The following MYO5A variants were observed in gnomAD, a reference collection of about 807,000 sequenced individuals.
MYO5A encodes myosin VA.
Under a neutral mutation model 249.7 loss-of-function variants are expected in MYO5A, and 98 were observed. The ratio of observed to expected loss-of-function variants is 0.39; its 90% CI spans 0.33 to 0.46. The LOEUF is 0.46. Ranked by LOEUF, MYO5A falls within the 20% of genes least tolerant of loss-of-function variation. MYO5A has a pLI of 0.98. For synonymous variants in MYO5A, 778 were observed against 810.6 expected (o/e 0.96, Z 0.68); for missense variants, 1,696 against 2,308.8 (o/e 0.73, Z 5.44).
At chr15:52,398,854 T>G (rs1406523439) in intron 9 of MYO5A, among the ~76,000 whole-genome samples, 1 of 152,164 alleles carries the variant, frequency 6.6e-6, no homozygotes, top group African/African-American at 2.4e-5. Context: ...CTGCTTGTAG[T>G]GGCAGACACC....
chr15:52,322,417 G>C (rs528276878), intron 37 of MYO5A, among the ~76,000 whole-genome samples: 1 of 152,360 alleles, frequency 6.6e-6, no homozygotes, highest in Admixed American at 6.5e-5. Context: ...CAGTTGGCTA[G>C]GGTCATGGGC....
intron 2 of MYO5A, among the ~76,000 whole-genome samples, chr15:52,429,454 C>T (rs1044687398): frequency 1.3e-5 from 2 of 151,934 alleles, no homozygotes. Flanking sequence ...TTTGGGAGGC[C>T]GAGGTGGGTG....
At chr15:52,349,842 C>G (rs1350574796) in intron 28 of MYO5A, among the ~76,000 whole-genome samples, 1 of 152,240 alleles carries the variant, frequency 6.6e-6, no homozygotes, top group Non-Finnish European at 1.5e-5. Context: ...CCAACTGTGA[C>G]AGCCCTGGGG....
At chr15:52,335,291 A>G (rs1360025511) in intron 34 of MYO5A, among the ~76,000 whole-genome samples, 2 of 152,058 alleles carry the variant, frequency 1.3e-5, no homozygotes. Context: ...GCTGAGGCAG[A>G]TGGATCACGA....
intron 30 of MYO5A, among the ~76,000 whole-genome samples, chr15:52,345,725 C>A (rs1046165707): frequency 6.6e-5 from 10 of 152,172 alleles, no homozygotes; most frequent in Non-Finnish European, 1.5e-4. Context: ...TGAGGGCTGA[C>A]TGCACCTTTC....
At chr15:52,416,451 A>G (rs2043491789) in intron 4 of MYO5A, 150 bp from the exon 5 acceptor site, 4 of 730,560 alleles carry the variant, frequency 5.5e-6, no homozygotes, top group East Asian at 2.7e-5. Flanking sequence ...CTCAGGTTCA[A>G]TCCCTATACT....
chr15:52,528,931 G>A (rs934740824), upstream of MYO5A: 17 of 810,022 alleles, frequency 2.1e-5, no homozygotes, highest in South Asian at 3.9e-4. Flanking sequence ...AGGGCCGGGC[G>A]GGGAGGGCCG....
At chr15:52,476,033 T>A (rs1043708792) in intron 1 of MYO5A, among the ~76,000 whole-genome samples, 6 of 152,182 alleles carry the variant, frequency 3.9e-5, no homozygotes, top group Non-Finnish European at 8.8e-5. Context: ...CTAAGTCTCT[T>A]TGTAGGTCTC....
rs1361748445 is a variant in MYO5A at position 52,370,149 on chromosome 15, G to T, written c.3066+20C>A. 1.2e-6 allele frequency: 2 copies of T among 1,613,682 alleles called. No homozygotes were observed. Among genetic ancestry groups the T allele is most frequent in the East Asian group, 2.2e-5 (1 of 44,880 alleles). ...CTCTTTTGTGTACGGAGTAGATGGG[G>T]ATATGGACATTATTCCTACCTGCTC... is the stretch of plus-strand genomic sequence containing the variant. On this transcript the variant is annotated intron_variant, in intron 22 of 41. Coordinates refer to ENST00000399233, the MANE Select transcript of MYO5A (RefSeq NM_001382347.1).
intron 1 of MYO5A, among the ~76,000 whole-genome samples, chr15:52,475,638 GT>G (rs2076575991): frequency 6.6e-6 from 1 of 152,144 alleles, no homozygotes; most frequent in African/African-American, 2.4e-5. Flanking sequence ...CATTCATTTT[GT>G]TATGTACTCA....
chr15:52,523,545 G>A (rs1303498878), intron 1 of MYO5A, among the ~76,000 whole-genome samples: 1 of 152,154 alleles, frequency 6.6e-6, no homozygotes, highest in African/African-American at 2.4e-5. Flanking sequence ...CGTGGGAGTG[G>A]TAAACATATA....
At chr15:52,512,148 G>A (rs2077404004) in intron 1 of MYO5A, among the ~76,000 whole-genome samples, 1 of 140,546 alleles carries the variant, frequency 7.1e-6, no homozygotes, top group Admixed American at 7.3e-5. Flanking sequence ...AGGCGACAGA[G>A]CAAGACTGTC....
intron 3 of MYO5A, among the ~76,000 whole-genome samples, chr15:52,426,295 T>A (rs1337315722): frequency 6.7e-6 from 1 of 149,858 alleles, no homozygotes; most frequent in Non-Finnish European, 1.5e-5. Context: ...CCAAATGAAA[T>A]AATCAGAAAT....
At position 52,379,735 on chromosome 15, in the gene MYO5A, T is replaced by TA. The variant is rs749094147; in HGVS notation, c.2100-3dup. ...CTGAAAAATTCTTGGTAAGTCCACC[T>TA]ATTAAAAGAAAACCATCTGAGTTTA... On this transcript the variant is annotated splice_polypyrimidine_tract_variant and splice_region_variant and intron_variant, in intron 17 of 41. Coordinates refer to ENST00000399233, the MANE Select transcript of MYO5A (RefSeq NM_001382347.1). The TA allele has an allele frequency of 1.2e-6, 2 of 1,614,132 alleles. No individual in the cohort carries two copies. The highest frequency in any genetic ancestry group is 2.2e-5 in the South Asian group (2 of 91,078).
chr15:52,405,465 T>G, intron 8 of MYO5A, 72 bp from the exon 9 acceptor site: 2 of 1,152,604 alleles, frequency 1.7e-6, no homozygotes, highest in Non-Finnish European at 2.6e-6. Flanking sequence ...CAGACAATTT[T>G]AAGCCTATTG....
intron 1 of MYO5A, among the ~76,000 whole-genome samples, chr15:52,526,467 T>G (rs1475438391): frequency 1.3e-5 from 2 of 152,160 alleles, no homozygotes; most frequent in Non-Finnish European, 2.9e-5. Context: ...GTTCAAGTGA[T>G]TCTCCTGCCT....
chr15:52,478,646 C>T (rs187014694), intron 1 of MYO5A, among the ~76,000 whole-genome samples: 159 of 152,308 alleles, frequency 1.0e-3, no homozygotes, highest in African/African-American at 3.8e-3. Context: ...GCTTAAGATC[C>T]TTCATCTGCC....
intron 39 of MYO5A, 58 bp downstream of exon 39, chr15:52,319,002 C>G: frequency 6.3e-7 from 1 of 1,596,418 alleles, no homozygotes; most frequent in Non-Finnish European, 8.5e-7. Flanking sequence ...TCTCCACAAC[C>G]CTGGCAGGCC....
chr15:52,399,658 T>C (rs1245587448), intron 9 of MYO5A, among the ~76,000 whole-genome samples: 2 of 152,162 alleles, frequency 1.3e-5, no homozygotes, highest in Non-Finnish European at 2.9e-5. Context: ...TTTTTTTTCT[T>C]TTTTTGACTT....
Sources: allele counts gnomAD v4.1 joint callset (sites outside exome capture counted in the v4.1 genomes callset), GRCh38; gene constraint gnomAD v4.1.1; transcripts MANE v1.5; gene names NCBI Gene and HGNC (gene_info 2026-07-23, HGNC 2026-07-21).